Variants in PPP3CA observed in about 807,000 individuals in gnomAD.
PPP3CA encodes the protein CAM-PRP catalytic subunit.
A neutral mutation model predicts 66.5 loss-of-function variants in PPP3CA; 14 were observed. The observed-to-expected ratio is 0.21, with a 90% confidence interval of 0.14 to 0.33. The LOEUF is 0.33. PPP3CA is among the 10% of genes least tolerant of loss of function. PPP3CA has a pLI of 1.00. For missense variants in PPP3CA, 317 were observed against 639.5 expected (o/e 0.50, Z 5.44); for synonymous variants, 232 against 226.2 (o/e 1.03, Z -0.23).
chr4:101,242,548 G>A (rs1055871489), intron 1 of PPP3CA, among the ~76,000 whole-genome samples: 1 of 151,860 alleles, frequency 6.6e-6, no homozygotes, highest in African/African-American at 2.4e-5. Context: ...AAAAAAAAGA[G>A]TAAAACTGAA....
intron 1 of PPP3CA, among the ~76,000 whole-genome samples, chr4:101,253,251 C>G (rs889292722): frequency 3.3e-5 from 5 of 152,114 alleles, no homozygotes; most frequent in African/African-American, 4.8e-5. Flanking sequence ...AATAGAATGT[C>G]CCTGCTACTA....
intron 1 of PPP3CA, among the ~76,000 whole-genome samples, chr4:101,265,283 T>C (rs1184332765): frequency 2.6e-5 from 4 of 152,014 alleles, no homozygotes; most frequent in Non-Finnish European, 5.9e-5. Context: ...ATTTTTTTTA[T>C]TTATTTGTAG....
At position 101,194,094 on chromosome 4, in the gene PPP3CA, G is replaced by C. The variant is rs1724710669; in HGVS notation, c.259+1822C>G. On this transcript the variant is annotated intron_variant, in intron 2 of 13. Coordinates refer to ENST00000394854, the MANE Select transcript of PPP3CA (RefSeq NM_000944.5). ...AACTTACAGAGTAAGTCTCTGGCTT[G>C]ACTTACTCACCACTGGTCCAATATT... Among the ~76,000 whole-genome samples the C allele has an allele frequency of 2.0e-5, 3 of 152,090 alleles. No homozygotes were observed. In the South Asian group the frequency reaches 6.2e-4, roughly 31 times the overall value.
intron 9 of PPP3CA, among the ~76,000 whole-genome samples, chr4:101,062,511 A>G (rs1728510137): frequency 6.6e-6 from 1 of 152,026 alleles, no homozygotes; most frequent in Non-Finnish European, 1.5e-5. Flanking sequence ...GTATGAGAAG[A>G]TACATGAGAA....
chr4:101,214,548 G>T (rs778220032), intron 1 of PPP3CA, among the ~76,000 whole-genome samples: 1 of 152,022 alleles, frequency 6.6e-6, no homozygotes, highest in Admixed American at 6.6e-5. Context: ...ACAGTAAGAC[G>T]TGCTGGCTTT....
intron 2 of PPP3CA, among the ~76,000 whole-genome samples, chr4:101,139,783 C>T (rs113188556): frequency 0.043 from 5,977 of 140,176 alleles, 200 homozygotes; most frequent in Middle Eastern, 0.12. Context: ...ATAAATAACA[C>T]AAAAGATAAA....
intron 2 of PPP3CA, among the ~76,000 whole-genome samples, chr4:101,166,405 A>T (rs145641130): frequency 3.9e-5 from 6 of 152,302 alleles, no homozygotes; most frequent in African/African-American, 9.6e-5. Flanking sequence ...CAGTCTCAAC[A>T]CAAAGATTTA....
intron 1 of PPP3CA, among the ~76,000 whole-genome samples, chr4:101,337,697 T>A (rs1291727744): frequency 6.6e-6 from 1 of 152,144 alleles, no homozygotes; most frequent in Non-Finnish European, 1.5e-5. Flanking sequence ...AGAACAAAAA[T>A]AAAATGGAGC....
chr4:101,208,035 C>T (rs1010133120), intron 1 of PPP3CA, among the ~76,000 whole-genome samples: 2 of 152,150 alleles, frequency 1.3e-5, no homozygotes, highest in East Asian at 1.9e-4. Flanking sequence ...TTAGGCAGCA[C>T]TGCAAGTGCC....
intron 3 of PPP3CA, among the ~76,000 whole-genome samples, chr4:101,106,623 T>C (rs1459781461): frequency 2.6e-5 from 4 of 152,078 alleles, no homozygotes; most frequent in South Asian, 4.2e-4. Flanking sequence ...CCTGGCCACA[T>C]ACGAAATCAC....
At chr4:101,206,962 G>A (rs1294781021) in intron 1 of PPP3CA, among the ~76,000 whole-genome samples, 1 of 152,154 alleles carries the variant, frequency 6.6e-6, no homozygotes, top group Non-Finnish European at 1.5e-5. Context: ...ACATGGTGTG[G>A]GGGAAGCTGG....
At chr4:101,042,338 C>T (rs1727562260) in intron 10 of PPP3CA, among the ~76,000 whole-genome samples, 1 of 152,038 alleles carries the variant, frequency 6.6e-6, no homozygotes, top group Non-Finnish European at 1.5e-5. Flanking sequence ...AAGCTGGTTT[C>T]CTCCCACCTT....
chr4:101,237,194 C>T (rs919345580), intron 1 of PPP3CA, among the ~76,000 whole-genome samples: 1 of 123,878 alleles, frequency 8.1e-6, no homozygotes, highest in Non-Finnish European at 1.8e-5. Context: ...ACAATTTCTC[C>T]TGCAACGTCA....
At chr4:101,323,291 T>G (rs1729098618) in intron 1 of PPP3CA, among the ~76,000 whole-genome samples, 1 of 152,192 alleles carries the variant, frequency 6.6e-6, no homozygotes, top group African/African-American at 2.4e-5. Context: ...GAATTGTTTT[T>G]AAAATACTCA....
chr4:101,215,796 T>A (rs976680080), intron 1 of PPP3CA, among the ~76,000 whole-genome samples: 6 of 152,138 alleles, frequency 3.9e-5, no homozygotes, highest in African/African-American at 1.2e-4. Flanking sequence ...TAATTGTAAA[T>A]TTATTTTAAA....
chr4:101,095,997 C>T (rs1391163384), intron 5 of PPP3CA, among the ~76,000 whole-genome samples: 1 of 152,058 alleles, frequency 6.6e-6, no homozygotes, highest in African/African-American at 2.4e-5. Context: ...CTCTACTGTA[C>T]TTTAAATATA....
chr4:101,322,520 C>T (rs1346789366), intron 1 of PPP3CA, among the ~76,000 whole-genome samples: 2 of 149,148 alleles, frequency 1.3e-5, no homozygotes, highest in African/African-American at 2.6e-5. Context: ...AAGCGATTCT[C>T]GTGCCTCAGC....
At chr4:101,229,657 A>C (rs942668471) in intron 1 of PPP3CA, among the ~76,000 whole-genome samples, 1 of 151,592 alleles carries the variant, frequency 6.6e-6, no homozygotes, top group Non-Finnish European at 1.5e-5. Flanking sequence ...CATTAGTATA[A>C]ATTGAGCTCT....
intron 1 of PPP3CA, among the ~76,000 whole-genome samples, chr4:101,214,784 G>A (rs1725407184): frequency 1.3e-5 from 2 of 151,950 alleles, no homozygotes; most frequent in Admixed American, 6.6e-5. Context: ...AAAGGCAAAG[G>A]GCCAAATTTT....
Sources: allele counts gnomAD v4.1 joint callset (sites outside exome capture counted in the v4.1 genomes callset), GRCh38; gene constraint gnomAD v4.1.1; transcripts MANE v1.5; gene names NCBI Gene and HGNC (gene_info 2026-07-23, HGNC 2026-07-21).